The following SMC6 variants were observed in gnomAD, a reference collection of about 807,000 sequenced individuals.
The protein encoded by SMC6 is structural maintenance of chromosomes 6.
Under a neutral mutation model 142.2 loss-of-function variants are expected in SMC6, and 79 were observed. That is an observed-to-expected ratio of 0.56 (90% CI 0.46 to 0.67). The LOEUF is 0.67. Among genes scored for constraint, SMC6 ranks in the 30% least tolerant of loss-of-function variants. The pLI is 0.00. For synonymous variants in SMC6, 411 were observed against 412.4 expected, an observed-to-expected ratio of 1.00 and a Z score of 0.04; for missense variants, 1,072 against 1,284.0, an observed-to-expected ratio of 0.83 and a Z score of 2.52.
intron 9 of SMC6, among the ~76,000 whole-genome samples, chr2:17,723,161 A>G (rs1669456198): frequency 6.6e-6 from 1 of 152,122 alleles, no homozygotes; most frequent in African/African-American, 2.4e-5. Context: ...CATGTCCACT[A>G]CAACATCTGC....
intron 21 of SMC6, among the ~76,000 whole-genome samples, chr2:17,697,485 A>G (rs543502258): frequency 2.6e-5 from 4 of 152,218 alleles, no homozygotes; most frequent in African/African-American, 9.6e-5. Flanking sequence ...GAATATATAA[A>G]GAACTCTTAC....
chr2:17,717,304 G>GC, intron 12 of SMC6, 128 bp from the exon 13 acceptor site: 1 of 570,520 alleles, frequency 1.8e-6, no homozygotes, highest in Non-Finnish European at 2.9e-6. Flanking sequence ...GCACAAAATG[G>GC]CCATTTGAAA....
At chr2:17,685,633 A>G (rs1294713714) in intron 23 of SMC6, among the ~76,000 whole-genome samples, 1 of 152,128 alleles carries the variant, frequency 6.6e-6, no homozygotes, top group Non-Finnish European at 1.5e-5. Flanking sequence ...ACAAAAATGG[A>G]CATATAGAAG....
chr2:17,728,248 C>G (rs1276548566), intron 7 of SMC6, among the ~76,000 whole-genome samples: 3 of 152,098 alleles, frequency 2.0e-5, no homozygotes, highest in Non-Finnish European at 2.9e-5. Context: ...CCAGCCTAGG[C>G]AACATGGTGA....
At chr2:17,720,843 T>C (rs1669331082) in intron 11 of SMC6, 97 bp downstream of exon 11, 2 of 1,003,870 alleles carry the variant, frequency 2.0e-6, no homozygotes, top group East Asian at 2.5e-5. Context: ...ACAAATATAC[T>C]GTCTGAAACT....
rs35471536 is a variant in SMC6 at position 17,726,087 on chromosome 2, TAAAAAAAAA to T, written c.624+293_624+301del. ...TGGAAGACAGAGCAAGGCTCTGTCT[TAAAAAAAAA>T]AAAAAAAAAAAAAAAAAAGATTTAC... On this transcript the variant is annotated intron_variant, in intron 8 of 27. Coordinates refer to ENST00000448223, the MANE Select transcript of SMC6 (RefSeq NM_001142286.2). Among the ~76,000 whole-genome samples the T allele has an allele frequency of 1.1e-3, 63 of 54,970 alleles. 1 individual carries two copies. Among genetic ancestry groups the T allele is most frequent in the African/African-American group, 4.3e-3 (48 of 11,036 alleles). The allele number at this position is 54,970 out of a possible 152,430, so 36.1% of individuals were successfully genotyped here. A position where few individuals can be genotyped will look rare whatever the true frequency, so the allele number is the denominator to read the frequency against.
chr2:17,726,025 C>T (rs1344505347), intron 8 of SMC6, among the ~76,000 whole-genome samples: 1 of 133,512 alleles, frequency 7.5e-6, no homozygotes, highest in Non-Finnish European at 1.5e-5. Context: ...GGGGTGGAGG[C>T]TGCAGTGAGC....
chr2:17,687,019 A>G (rs1572265751), intron 23 of SMC6, among the ~76,000 whole-genome samples: 1 of 152,208 alleles, frequency 6.6e-6, no homozygotes, highest in Admixed American at 6.5e-5. Context: ...TATCTCATCT[A>G]TATGCCAATA....
chr2:17,745,081 C>T (rs973921771), intron 3 of SMC6, among the ~76,000 whole-genome samples: 1 of 152,158 alleles, frequency 6.6e-6, no homozygotes, highest in Non-Finnish European at 1.5e-5. Context: ...TGCTTGAATA[C>T]CAAGTAACAA....
chr2:17,716,360 C>T, intron 14 of SMC6, 96 bp from the exon 15 acceptor site: 1 of 1,155,082 alleles, frequency 8.7e-7, no homozygotes, highest in East Asian at 2.7e-5. Flanking sequence ...GTGAACGACC[C>T]AGCTAGCTAC....
chr2:17,750,404 T>C (rs1475416900), intron 2 of SMC6, among the ~76,000 whole-genome samples: 1 of 152,232 alleles, frequency 6.6e-6, no homozygotes, highest in African/African-American at 2.4e-5. Flanking sequence ...CTATTTCCTT[T>C]GATCCCCAAC....
chr2:17,744,995 G>GA (rs747153156), intron 3 of SMC6, among the ~76,000 whole-genome samples: 2 of 152,154 alleles, frequency 1.3e-5, no homozygotes, highest in Non-Finnish European at 2.9e-5. Context: ...CTGCAGATGT[G>GA]AATACTCAGG....
intron 10 of SMC6, 52 bp from the exon 11 acceptor site, chr2:17,721,090 T>C: frequency 6.2e-7 from 1 of 1,612,198 alleles, no homozygotes. Flanking sequence ...AATAACCAAA[T>C]ACATTCTGCA....
chr2:17,687,097 G>A lies in SMC6; in HGVS notation c.2679-3334C>T, dbSNP rs1667490299. On this transcript the variant is annotated intron_variant, in intron 23 of 27. Transcript: ENST00000448223. ...AGGAATACTCAACCTGTACAATGTT[G>A]GCGCAAATGCAAAAATGATACACAC... Among the ~76,000 whole-genome samples the A allele has an allele frequency of 2.6e-5, 4 of 152,084 alleles. No individual in the cohort carries two copies. In the South Asian group the frequency reaches 8.3e-4, roughly 32 times the overall value.
intron 9 of SMC6, among the ~76,000 whole-genome samples, chr2:17,722,393 T>A (rs182883534): frequency 2.7e-4 from 41 of 152,318 alleles, no homozygotes; most frequent in South Asian, 8.3e-4. Flanking sequence ...CATCTTTTCA[T>A]CTTTGTTTCC....
chr2:17,719,938 C>T (rs1275098747), intron 11 of SMC6, among the ~76,000 whole-genome samples: 1 of 152,076 alleles, frequency 6.6e-6, no homozygotes, highest in Non-Finnish European at 1.5e-5. Context: ...TATACCACAG[C>T]CAAGCTTGGG....
chr2:17,676,258 T>C (rs907846900), intron 25 of SMC6, among the ~76,000 whole-genome samples: 2 of 152,204 alleles, frequency 1.3e-5, no homozygotes, highest in African/African-American at 4.8e-5. Context: ...TTGTCCATTT[T>C]GTTTATGATT....
chr2:17,714,949 G>A lies in SMC6; in HGVS notation c.1642C>T (p.Leu548Phe). 6.2e-7 allele frequency: 1 copy of A among 1,613,892 alleles called. No individual in the cohort carries two copies. Among genetic ancestry groups the A allele is most frequent in the South Asian group, 1.1e-5 (1 of 91,066 alleles). ...NHADERVLQA[L>F]MKRFYLPGTS... ...CCTGGTAAATAAAACCTTTTCATGA[G>A]TGCCTGAAGGACCCTTTCATCAGCA... Residue 548 changes from leucine to phenylalanine, a missense_variant, in exon 16 of 28, where the codon CTC becomes TTC. By Grantham distance (22) the Leu-to-Phe change is conservative. Transcript: ENST00000448223.
chr2:17,710,760 G>C (rs1160455449), intron 16 of SMC6, among the ~76,000 whole-genome samples: 1 of 152,170 alleles, frequency 6.6e-6, no homozygotes, highest in Non-Finnish European at 1.5e-5. Context: ...CTGATGCCTT[G>C]ATAAGAGCTG....
Sources: gnomAD v4.1 joint callset for allele counts (sites outside exome capture counted in the v4.1 genomes callset) on GRCh38, gnomAD v4.1.1 for gene constraint, MANE v1.5 for transcripts, NCBI Gene and HGNC (gene_info 2026-07-23, HGNC 2026-07-21) for gene names.